Variants in PDE8B observed in about 807,000 individuals in gnomAD.
PDE8B encodes the protein high affinity cAMP-specific and IBMX-insensitive 3',5'-cyclic phosphodiesterase 8B.
Under a neutral mutation model 101.3 loss-of-function variants are expected in PDE8B, and 26 were observed. The observed-to-expected ratio is 0.26, with a 90% CI of 0.19 to 0.36. The LOEUF is 0.36. PDE8B is among the 10% of genes least tolerant of loss of function. PDE8B has a pLI of 1.00. For synonymous variants in PDE8B, 424 were observed against 429.3 expected, an observed-to-expected ratio of 0.99 and a Z score of 0.15; for missense variants, 810 against 1,163.1, an observed-to-expected ratio of 0.70 and a Z score of 4.42.
intron 6 of PDE8B, among the ~76,000 whole-genome samples, chr5:77,338,688 C>T (rs931304593): frequency 1.3e-5 from 2 of 152,074 alleles, no homozygotes; most frequent in Admixed American, 1.3e-4. Flanking sequence ...CTGGGGGTCT[C>T]TACTGTTTTT....
At chr5:77,412,332 GA>G in intron 16 of PDE8B, 97 bp downstream of exon 16, 1 of 1,249,256 alleles carries the variant, frequency 8.0e-7, no homozygotes, top group Non-Finnish European at 1.1e-6. Flanking sequence ...TTTGCTGTGA[GA>G]GACCTCACGG....
chr5:77,300,477 G>T (rs1424737718), intron 1 of PDE8B, among the ~76,000 whole-genome samples: 1 of 152,184 alleles, frequency 6.6e-6, no homozygotes, highest in East Asian at 1.9e-4. Context: ...TACCATGGGA[G>T]CCCATCTTCA....
At chr5:77,149,833 T>A in the PDE8B span, among the ~76,000 whole-genome samples, 1 of 152,240 alleles carries the variant, frequency 6.6e-6, no homozygotes, top group South Asian at 2.1e-4. Context: ...TTACTCTCAG[T>A]CTGCTTTTAA....
intron 1 of PDE8B, among the ~76,000 whole-genome samples, chr5:77,293,982 C>A (rs1009553375): frequency 6.6e-6 from 1 of 152,152 alleles, no homozygotes; most frequent in African/African-American, 2.4e-5. Context: ...AATATTCTCT[C>A]CTCATATGTG....
At chr5:77,425,113 C>G (rs34478659) in intron 20 of PDE8B, among the ~76,000 whole-genome samples, 6,063 of 152,308 alleles carry the variant, frequency 0.04, 322 homozygotes, top group African/African-American at 0.13. Flanking sequence ...ACTATTGCTT[C>G]TTCTCAGTGT....
At chr5:77,366,345 C>T (rs781161735) in intron 10 of PDE8B, among the ~76,000 whole-genome samples, 2 of 152,190 alleles carry the variant, frequency 1.3e-5, no homozygotes, top group African/African-American at 4.8e-5. Flanking sequence ...ATGCAGCAAA[C>T]GGCTGCCCCC....
At chr5:77,356,289 C>G (rs557481367) in intron 10 of PDE8B, among the ~76,000 whole-genome samples, 1 of 152,134 alleles carries the variant, frequency 6.6e-6, no homozygotes, top group Non-Finnish European at 1.5e-5. Flanking sequence ...TTTTCCTTTT[C>G]ACAAGGACAA....
At position 77,426,078 on chromosome 5, in the gene PDE8B, T is replaced by C; in HGVS notation, c.2548+182T>C. The stretch of plus-strand genomic sequence containing the variant: ...CATCCCCAGCAGCTGGCACAGAAGC[T>C]TGTGTGCAGAAGACTTGATGGATTT... On this transcript the variant is annotated intron_variant, in intron 21 of 21. Coordinates refer to ENST00000264917, the MANE Select transcript of PDE8B (RefSeq NM_003719.5). 6.0e-6 allele frequency: 4 copies of C among 664,812 alleles called. No individual in the cohort carries two copies. In the South Asian group the frequency reaches 6.7e-5, roughly 11 times the overall value. 41.2% of individuals were successfully genotyped at this position (664,812 alleles called of 1,614,324 possible).
intron 5 of PDE8B, among the ~76,000 whole-genome samples, chr5:77,335,031 A>G (rs1026006196): frequency 6.6e-6 from 1 of 152,148 alleles, no homozygotes; most frequent in African/African-American, 2.4e-5. Flanking sequence ...TTATCCCAAC[A>G]TTTTCTTTCC....
At chr5:77,333,333 G>C (rs973423481) in intron 5 of PDE8B, among the ~76,000 whole-genome samples, 1 of 152,200 alleles carries the variant, frequency 6.6e-6, no homozygotes, top group African/African-American at 2.4e-5. Context: ...AAGCCATGTG[G>C]TTGAGACAGA....
At chr5:77,281,539 C>T (rs895551295) in intron 1 of PDE8B, among the ~76,000 whole-genome samples, 5 of 152,188 alleles carry the variant, frequency 3.3e-5, no homozygotes, top group Non-Finnish European at 7.3e-5. Flanking sequence ...CTGTAGCCTA[C>T]GGCCACCTTA....
chr5:77,162,490 G>A, the PDE8B span, among the ~76,000 whole-genome samples: 1 of 152,128 alleles, frequency 6.6e-6, no homozygotes, highest in East Asian at 1.9e-4. Flanking sequence ...GGGAAGAACA[G>A]AGTTGGAACA....
intron 9 of PDE8B, among the ~76,000 whole-genome samples, chr5:77,351,900 C>A (rs756781094): frequency 2.6e-5 from 4 of 152,106 alleles, no homozygotes; most frequent in Non-Finnish European, 5.9e-5. Context: ...GGAACAGGAG[C>A]CCCACCTGTG....
chr5:77,143,988 A>T, the PDE8B span: 1 of 151,894 alleles, frequency 6.6e-6, no homozygotes, highest in Non-Finnish European at 1.5e-5. Context: ...AGAACAGAAA[A>T]TGTTTCCTGG....
intron 10 of PDE8B, among the ~76,000 whole-genome samples, chr5:77,361,275 G>A (rs1364583109): frequency 1.3e-5 from 2 of 151,994 alleles, no homozygotes; most frequent in African/African-American, 4.8e-5. Context: ...CTACAAATCA[G>A]GACCTTTTTT....
At chr5:77,137,149 C>A in the PDE8B span, among the ~76,000 whole-genome samples, 1 of 152,202 alleles carries the variant, frequency 6.6e-6, no homozygotes, top group East Asian at 1.9e-4. Context: ...TGTTTCTCAT[C>A]TTTTTGCTGA....
At chr5:77,134,853 C>A in the PDE8B span, among the ~76,000 whole-genome samples, 1 of 152,190 alleles carries the variant, frequency 6.6e-6, no homozygotes, top group African/African-American at 2.4e-5. Context: ...TAACTTCTCT[C>A]TTCTAAGTAT....
chr5:77,355,413 A>T (rs185137377), intron 10 of PDE8B, among the ~76,000 whole-genome samples: 2 of 152,150 alleles, frequency 1.3e-5, no homozygotes, highest in African/African-American at 4.8e-5. Context: ...GCGAATGGCA[A>T]TGGGATCTGT....
Position 77,419,631 on chromosome 5 carries a change from T to C in PDE8B, c.2130-136T>C, listed in dbSNP as rs189694107. ...TGCTTACTGGGAGGACGAGCTCTTC[T>C]TGTGATCTGCACACATTTCTTAACT... On this transcript the variant is annotated intron_variant, in intron 18 of 21. Transcript: ENST00000264917. The C allele has an allele frequency of 1.5e-4, 146 of 996,826 alleles. No homozygotes were observed. The East Asian group carries it at 3.4e-3, about 23-fold the overall frequency. 61.7% of individuals were successfully genotyped at this position (996,826 alleles called of 1,614,324 possible).
Sources: gnomAD v4.1 joint callset for allele counts (sites outside exome capture counted in the v4.1 genomes callset) on GRCh38, gnomAD v4.1.1 for gene constraint, MANE v1.5 for transcripts, NCBI Gene and HGNC (gene_info 2026-07-23, HGNC 2026-07-21) for gene names.